Variants in CSNK2A2IP observed in about 807,000 individuals in gnomAD.
CSNK2A2IP encodes casein kinase II subunit alpha'-interacting protein.
chr3:88,385,794 A>G, the CSNK2A2IP span, among the ~76,000 whole-genome samples: 2 of 152,224 alleles, frequency 1.3e-5, no homozygotes, highest in South Asian at 4.1e-4. Context: ...CAGGAAAAAT[A>G]CAAGATGAAT....
chr3:88,458,556 T>C, the CSNK2A2IP span, among the ~76,000 whole-genome samples: 1 of 152,218 alleles, frequency 6.6e-6, no homozygotes, highest in South Asian at 2.1e-4. Flanking sequence ...TTCCATCTCA[T>C]TGGCTTCTCC....
At chr3:88,339,951 C>T in the CSNK2A2IP span, among the ~76,000 whole-genome samples, 1 of 151,928 alleles carries the variant, frequency 6.6e-6, no homozygotes, top group Non-Finnish European at 1.5e-5. Context: ...TCACAATTTT[C>T]TACCTATCTA....
At chr3:88,354,749 C>A in the CSNK2A2IP span, among the ~76,000 whole-genome samples, 1 of 151,942 alleles carries the variant, frequency 6.6e-6, no homozygotes, top group Admixed American at 6.6e-5. Flanking sequence ...GAAAAGAAAC[C>A]CCATGAGATT....
chr3:88,449,874 T>TATATATATATATAGAGAGAGAGAG, the CSNK2A2IP span, among the ~76,000 whole-genome samples: 2 of 70,046 alleles, frequency 2.9e-5, no homozygotes, highest in South Asian at 6.5e-4. Flanking sequence ...TATATATATA[T>TATATATATATATAGAGAGAGAGAG]AGAGAGAGAG....
chr3:88,466,585 A>G, the CSNK2A2IP span: 2 of 1,231,672 alleles, frequency 1.6e-6, no homozygotes, highest in Non-Finnish European at 2.0e-6. Flanking sequence ...AAATAAAGAA[A>G]TTCCTTGGAC....
chr3:88,426,487 C>A, the CSNK2A2IP span, among the ~76,000 whole-genome samples: 3 of 152,178 alleles, frequency 2.0e-5, no homozygotes, highest in Non-Finnish European at 4.4e-5. Flanking sequence ...AATGCACTAG[C>A]CCTGTTATGG....
At chr3:88,445,059 AGAT>A in the CSNK2A2IP span, among the ~76,000 whole-genome samples, 1 of 152,112 alleles carries the variant, frequency 6.6e-6, no homozygotes, top group Non-Finnish European at 1.5e-5. Flanking sequence ...CCTATAGTTA[AGAT>A]GTTTAGATTG....
chr3:88,466,938 G>A, the CSNK2A2IP span: 3 of 1,231,468 alleles, frequency 2.4e-6, no homozygotes, highest in Non-Finnish European at 2.0e-6. Flanking sequence ...CTCTACCAGA[G>A]ACTTTCTCAT....
the CSNK2A2IP span, among the ~76,000 whole-genome samples, chr3:88,405,932 A>C: frequency 6.6e-6 from 1 of 152,120 alleles, no homozygotes; most frequent in Non-Finnish European, 1.5e-5. Context: ...TTGTGATTCT[A>C]AGTAAATCAT....
chr3:88,456,034 G>A, the CSNK2A2IP span, among the ~76,000 whole-genome samples: 2 of 151,852 alleles, frequency 1.3e-5, no homozygotes, highest in African/African-American at 4.8e-5. Flanking sequence ...TTATTTCTGG[G>A]CTTTCCAATC....
the CSNK2A2IP span, among the ~76,000 whole-genome samples, chr3:88,379,722 A>C: frequency 6.6e-6 from 1 of 152,114 alleles, no homozygotes; most frequent in Non-Finnish European, 1.5e-5. Flanking sequence ...TTGCCCCTAA[A>C]TTTGTTAGGG....
At chr3:88,426,641 T>G in the CSNK2A2IP span, among the ~76,000 whole-genome samples, 1 of 152,124 alleles carries the variant, frequency 6.6e-6, no homozygotes, top group Non-Finnish European at 1.5e-5. Context: ...GAGTGAGTTC[T>G]CATGAGATCT....
At chr3:88,341,298 A>G in the CSNK2A2IP span, among the ~76,000 whole-genome samples, 1 of 151,874 alleles carries the variant, frequency 6.6e-6, no homozygotes, top group East Asian at 1.9e-4. Flanking sequence ...AATCATTATT[A>G]TTATATGCAT....
At chr3:88,458,141 G>GGTTTTTTTTTTTTTTTT in the CSNK2A2IP span, among the ~76,000 whole-genome samples, 1 of 83,304 alleles carries the variant, frequency 1.2e-5, no homozygotes. Context: ...TGTAATTGTG[G>GGTTTTTTTTTTTTTTTT]TTTTTTTTTT....
At chr3:88,467,252 C>A in the CSNK2A2IP span, 1 of 401,424 alleles carries the variant, frequency 2.5e-6, no homozygotes, top group Non-Finnish European at 4.4e-6. Context: ...GTTGCCTCTG[C>A]CTCTTCTGAC....
chr3:88,381,440 C>T, the CSNK2A2IP span, among the ~76,000 whole-genome samples: 2 of 152,136 alleles, frequency 1.3e-5, no homozygotes, highest in East Asian at 1.9e-4. Flanking sequence ...TATGGGCTGG[C>T]TCTTTAGATT....
At chr3:88,449,767 G>T in the CSNK2A2IP span, among the ~76,000 whole-genome samples, 1 of 125,604 alleles carries the variant, frequency 8.0e-6, no homozygotes, top group East Asian at 2.4e-4. Flanking sequence ...TTCTCTTCAC[G>T]ATTGTGAAGA....
At chr3:88,352,610 G>T in the CSNK2A2IP span, among the ~76,000 whole-genome samples, 2 of 151,574 alleles carry the variant, frequency 1.3e-5, no homozygotes, top group Non-Finnish European at 2.9e-5. Flanking sequence ...ATAGGGTCTC[G>T]CTCCATCACC....
chr3:88,399,698 G>A, the CSNK2A2IP span: 2 of 152,156 alleles, frequency 1.3e-5, no homozygotes, highest in East Asian at 3.9e-4. Context: ...GAGCCCCAGG[G>A]TGCTAATCCA....
Sources: allele counts gnomAD v4.1 joint callset (sites outside exome capture counted in the v4.1 genomes callset), GRCh38; gene constraint gnomAD v4.1.1; transcripts MANE v1.5; gene names NCBI Gene and HGNC (gene_info 2026-07-23, HGNC 2026-07-21).